The following LMAN2 variants were observed in gnomAD, a reference collection of about 807,000 sequenced individuals.
LMAN2 encodes the protein vesicular integral-membrane protein VIP36.
In LMAN2, 22 loss-of-function variants were observed where a neutral mutation model predicts 39.3. The observed-to-expected ratio is 0.56, with a 90% CI of 0.40 to 0.80. The LOEUF (loss-of-function observed/expected upper bound fraction) is 0.80. LMAN2 is among the 30% of genes least tolerant of loss of function. The probability of loss-of-function intolerance (pLI) is 0.00; values close to 1 mark genes in which losing one functional copy is unlikely to be tolerated. For missense variants in LMAN2, 494 were observed against 505.4 expected (o/e 0.98, Z 0.22); for synonymous variants, 207 against 207.8 (o/e 1.00, Z 0.03).
chr5:177,334,348 G>C lies in LMAN2; in HGVS notation c.846C>G (p.Pro282=). 1 of 1,613,640 alleles carries C rather than the reference G, an allele frequency of 6.2e-7. No homozygotes were observed. Among genetic ancestry groups the C allele is most frequent in the Non-Finnish European group, 8.5e-7 (1 of 1,180,010 alleles). ...TGGTCCAGTCGATGCTCTCCTCGTCGGGCGTGTGCTCCACCATCAGCTGGA... is the reference window on the plus strand; with the variant it reads ...TGGTCCAGTCGATGCTCTCCTCGTCCGGCGTGTGCTCCACCATCAGCTGGA... ...KLFQLMVEHT[P]DEESIDWTKI... Residue 282 remains proline (P), a synonymous_variant, in exon 7 of 8, where the codon CCC becomes CCG. Coordinates refer to ENST00000303127, the MANE Select transcript of LMAN2 (RefSeq NM_006816.3).
intron 2 of LMAN2, chr5:177,346,239 G>C (rs1446800373): frequency 4.8e-6 from 1 of 210,258 alleles, no homozygotes; most frequent in Non-Finnish European, 9.9e-6. Flanking sequence ...CAGCTGGAAC[G>C]CCTATCAAGG....
In LMAN2 at chr5:177,332,233, G is replaced by A; in HGVS notation, c.924C>T (p.Asp308=). Residue 308 remains aspartate (D), a synonymous_variant, in exon 8 of 8, where the codon GAC becomes GAT. Coordinates refer to ENST00000303127, the MANE Select transcript of LMAN2 (RefSeq NM_006816.3). The surrounding 1 kb of genome is among the most constrained non-coding windows in gnomAD (Gnocchi z 6.3). Reference sequence around the variant, plus strand: ...GCCCGCTGCGGAAGTTCCCCGTGGGGTCGTCCACGTTGTCTGGGGGAGAAG... The same window carrying A: ...GCCCGCTGCGGAAGTTCCCCGTGGGATCGTCCACGTTGTCTGGGGGAGAAG... ...FLKSPKDNVD[D]PTGNFRSGPL... The A allele has an allele frequency of 6.2e-7, 1 of 1,612,680 alleles. No homozygotes were observed. The highest frequency in any genetic ancestry group is 8.5e-7 in the Non-Finnish European group (1 of 1,179,706).
chr5:177,348,288 C>T (rs1761666275), intron 2 of LMAN2, among the ~76,000 whole-genome samples: 1 of 152,102 alleles, frequency 6.6e-6, no homozygotes, highest in South Asian at 2.1e-4. Flanking sequence ...ATTAATTTTA[C>T]TTGCAGAAGA....
intron 7 of LMAN2, among the ~76,000 whole-genome samples, chr5:177,333,318 T>C (rs1239567687): frequency 6.6e-6 from 1 of 152,174 alleles, no homozygotes. Context: ...TTTGGTCACA[T>C]CTGAAGGAAC....
At chr5:177,338,382 G>A (rs541034932) in intron 3 of LMAN2, 106 bp downstream of exon 3, 50 of 834,298 alleles carry the variant, frequency 6.0e-5, no homozygotes, top group African/African-American at 5.8e-4. Context: ...GAGAGGAGAC[G>A]CTGGTCCCCA....
rs1761498093 is a variant in LMAN2 at position 177,337,861 on chromosome 5, C to A, written c.434-76G>T. ...ATGGGTACCTAAAAGGCAAGCAATG[C>A]CAACATGGGTGGGGGCAAGAGAGCC... On this transcript the variant is annotated intron_variant, in intron 3 of 7. Coordinates refer to ENST00000303127, the MANE Select transcript of LMAN2 (RefSeq NM_006816.3). This position sits in a 1 kb window ranked among gnomAD's most constrained non-coding sequence, Gnocchi z 8.2. 4 of 1,330,542 alleles carry A rather than the reference C, an allele frequency of 3.0e-6. No homozygotes were observed. Among genetic ancestry groups the A allele is most frequent in the East Asian group, 2.4e-5 (1 of 41,970 alleles). The allele number at this position is 1,330,542 out of a possible 1,614,324, so 82.4% of individuals were successfully genotyped here. A position where few individuals can be genotyped will look rare whatever the true frequency, so the allele number is the denominator to read the frequency against.
chr5:177,337,405 G>A lies in LMAN2; in HGVS notation c.633C>T (p.His211=), dbSNP rs755745096. ...AGTAGCGCACAGCCAGGAAGGTGTC[G>A]TGATCGCGGTTGCGGAAGTCAGCCG... The part of the protein sequence containing the change: ...GCTADFRNRD[H]DTFLAVRYSR... Residue 211 remains histidine (H), a synonymous_variant, in exon 5 of 8, where the codon CAC becomes CAT. Transcript: ENST00000303127. This position sits in a 1 kb window ranked among gnomAD's most constrained non-coding sequence, Gnocchi z 8.2. 35 of 1,612,846 alleles carry A rather than the reference G, an allele frequency of 2.2e-5. No homozygotes were observed. The highest frequency in any genetic ancestry group is 5.3e-5 in the African/African-American group (4 of 74,948).
rs1761484924 is a variant in LMAN2 at position 177,337,117 on chromosome 5, C to G, written c.790+19G>C. 6.3e-7 allele frequency: 1 copy of G among 1,592,648 alleles called. No individual in the cohort carries two copies. The highest frequency in any genetic ancestry group is 1.7e-5 in the Admixed American group (1 of 59,918). ...GGGTGAGCTGGGCTGGGAACCAACGCCTGGCCCGGCCCACTCACCAGACAG... is the reference window on the plus strand; with the variant it reads ...GGGTGAGCTGGGCTGGGAACCAACGGCTGGCCCGGCCCACTCACCAGACAG... On this transcript the variant is annotated intron_variant, in intron 6 of 7. Transcript: ENST00000303127. The surrounding 1 kb of genome is among the most constrained non-coding windows in gnomAD (Gnocchi z 8.2).
intron 2 of LMAN2, among the ~76,000 whole-genome samples, chr5:177,339,993 G>T (rs1761527971): frequency 6.6e-6 from 1 of 152,100 alleles, no homozygotes; most frequent in Admixed American, 6.6e-5. Context: ...TTGTGGGTAA[G>T]AGACAGAGGA....
At chr5:177,344,774 C>T (rs917682191) in intron 2 of LMAN2, among the ~76,000 whole-genome samples, 49 of 151,330 alleles carry the variant, frequency 3.2e-4, no homozygotes, top group Non-Finnish European at 1.3e-4. Flanking sequence ...GGTGCGGTGG[C>T]GGGCGCCTGT....
chr5:177,348,595 GA>G (rs1761672596), intron 2 of LMAN2, among the ~76,000 whole-genome samples: 1 of 143,412 alleles, frequency 7.0e-6, no homozygotes, highest in African/African-American at 2.6e-5. Flanking sequence ...GGCTGAGGCA[GA>G]AGAATCGCTT....
intron 2 of LMAN2, among the ~76,000 whole-genome samples, chr5:177,341,617 T>C (rs139695273): frequency 1.3e-3 from 198 of 152,232 alleles, no homozygotes; most frequent in African/African-American, 4.5e-3. Flanking sequence ...ACCAAAAGAA[T>C]TCATTAGCAG....
intron 2 of LMAN2, among the ~76,000 whole-genome samples, chr5:177,345,773 A>ATTTG (rs1761628902): frequency 6.6e-6 from 1 of 150,736 alleles, no homozygotes; most frequent in Non-Finnish European, 1.5e-5. Flanking sequence ...TTATTTATTT[A>ATTTG]TTTATTTATT....
At chr5:177,345,339 TAAAAAA>T (rs10639580) in intron 2 of LMAN2, among the ~76,000 whole-genome samples, 2 of 52,392 alleles carry the variant, frequency 3.8e-5, no homozygotes, top group South Asian at 1.0e-3. Flanking sequence ...AGACCCTGTC[TAAAAAA>T]AAAAAAAAAA....
intron 2 of LMAN2, among the ~76,000 whole-genome samples, chr5:177,345,161 GA>G (rs1488140098): frequency 6.9e-6 from 1 of 145,656 alleles, no homozygotes; most frequent in African/African-American, 2.5e-5. Context: ...TCAACATGGT[GA>G]AACCCTACTT....
chr5:177,340,224 C>CA (rs1474170952), intron 2 of LMAN2, among the ~76,000 whole-genome samples: 1 of 152,156 alleles, frequency 6.6e-6, no homozygotes, highest in African/African-American at 2.4e-5. Flanking sequence ...GCAACAACAA[C>CA]AAAAAAGTTT....
At chr5:177,334,533 C>T (rs550487475) in intron 6 of LMAN2, 130 bp from the exon 7 acceptor site, 430 of 1,312,672 alleles carry the variant, frequency 3.3e-4, no homozygotes, top group Non-Finnish European at 4.0e-4. Context: ...GAGCACTGCC[C>T]AGCCGGCTAG....
chr5:177,345,736 C>CATTTATTT (rs752212044), intron 2 of LMAN2, among the ~76,000 whole-genome samples: 3,759 of 135,506 alleles, frequency 0.028, 84 homozygotes, highest in East Asian at 0.095. Context: ...CCATGGCATG[C>CATTTATTT]ATTTATTTAT....
intron 2 of LMAN2, chr5:177,346,397 A>G: frequency 1.4e-6 from 1 of 735,248 alleles, no homozygotes; most frequent in Non-Finnish European, 1.9e-6. Flanking sequence ...CCAGGAGTTG[A>G]GGTGGAAGTC....
Sources: allele counts gnomAD v4.1 joint callset (sites outside exome capture counted in the v4.1 genomes callset), GRCh38; gene constraint gnomAD v4.1.1; non-coding constraint Gnocchi (gnomAD v3.1); transcripts MANE v1.5; gene names NCBI Gene and HGNC (gene_info 2026-07-23, HGNC 2026-07-21).